The following RTF2 variants were observed in gnomAD, a reference collection of about 807,000 sequenced individuals.
The protein encoded by RTF2 is UPF0549 protein C20orf43.
RTF2 carries 18 observed loss-of-function variants against 38.0 expected under a neutral mutation model. The ratio of observed to expected loss-of-function variants is 0.47; its 90% CI spans 0.33 to 0.70. The LOEUF (loss-of-function observed/expected upper bound fraction) is 0.70. Among genes scored for constraint, RTF2 ranks in the 30% least tolerant of loss-of-function variants. RTF2 has a pLI of 0.02. For missense variants in RTF2, 311 were observed against 379.6 expected, an observed-to-expected ratio of 0.82 and a Z score of 1.50; for synonymous variants, 126 against 137.1, an observed-to-expected ratio of 0.92 and a Z score of 0.57.
intron 3 of RTF2, among the ~76,000 whole-genome samples, chr20:56,476,740 C>T (rs1372555684): frequency 6.6e-6 from 1 of 152,106 alleles, no homozygotes; most frequent in African/African-American, 2.4e-5. Flanking sequence ...CTCAGGTGAT[C>T]CGCCTGCCTC....
At chr20:56,501,096 A>G (rs545101135) in intron 5 of RTF2, among the ~76,000 whole-genome samples, 6 of 152,300 alleles carry the variant, frequency 3.9e-5, no homozygotes, top group African/African-American at 1.4e-4. Context: ...CAGGCCCTCT[A>G]TTGTAAATGT....
At chr20:56,491,775 C>A in intron 5 of RTF2, 1 of 1,550,626 alleles carries the variant, frequency 6.4e-7, no homozygotes, top group Non-Finnish European at 8.7e-7. Flanking sequence ...ATGTCTTCGA[C>A]GTAGCGGCCT....
intron 5 of RTF2, among the ~76,000 whole-genome samples, chr20:56,499,194 CTTTTTTTTT>C (rs774875921): frequency 2.3e-5 from 3 of 133,056 alleles, no homozygotes; most frequent in Admixed American, 1.5e-4. Flanking sequence ...TAATACTTAT[CTTTTTTTTT>C]TTTTTTTTTT....
chr20:56,514,802 C>G (rs1984914446), intron 6 of RTF2, among the ~76,000 whole-genome samples: 1 of 152,132 alleles, frequency 6.6e-6, no homozygotes, highest in African/African-American at 2.4e-5. Context: ...GAACGGTGCC[C>G]AAACTCTGAA....
intron 5 of RTF2, chr20:56,496,948 T>TG: frequency 1.3e-6 from 2 of 1,551,586 alleles, no homozygotes; most frequent in Non-Finnish European, 1.7e-6. Context: ...TTGCTTCTGA[T>TG]GTAGTGTATG....
intron 5 of RTF2, chr20:56,496,854 A>G (rs745810382): frequency 1.7e-5 from 26 of 1,551,184 alleles, no homozygotes; most frequent in Non-Finnish European, 2.2e-5. Flanking sequence ...TCCTTTAGGA[A>G]CGAATTCGAG....
At position 56,469,787 on chromosome 20, in the gene RTF2, TCTG is replaced by T. The variant is rs199631511; in HGVS notation, c.69+1023_69+1025del. ...CTTGCCTATGTTTCTGACCTCATCT[TCTG>T]CCCCTCTCCACCTCTTTCATACTGT... On this transcript the variant is annotated intron_variant, in intron 1 of 8. Coordinates refer to ENST00000357348, the MANE Select transcript of RTF2 (RefSeq NM_016407.5). 5.5e-5 allele frequency among the ~76,000 whole-genome samples: 3 copies of T among 54,896 alleles called. No homozygotes were observed. The Admixed American group carries it at 7.1e-4, about 13-fold the overall frequency. 36.0% of individuals were successfully genotyped at this position (54,896 alleles called of 152,430 possible).
intron 5 of RTF2, among the ~76,000 whole-genome samples, chr20:56,500,021 A>C (rs2146351872): frequency 6.6e-6 from 1 of 151,194 alleles, no homozygotes; most frequent in South Asian, 2.1e-4. Context: ...TTTAGGTGTG[A>C]ACCACTGCGC....
chr20:56,519,081 G>A lies in RTF2; in HGVS notation c.*816G>A. 6.6e-6 allele frequency: 1 copy of A among 152,210 alleles called. No homozygotes were observed. The highest frequency in any genetic ancestry group is 1.5e-5 in the Non-Finnish European group (1 of 68,052). 9.4% of individuals were successfully genotyped at this position (152,210 alleles called of 1,614,324 possible). ...CCTATAAGTTGTGTTGACGTCAATA[G>A]CTAGTGAAACTTCTCATGAGACTCC... On this transcript the variant is annotated 3_prime_UTR_variant, in exon 9 of 9. Transcript: ENST00000357348.
intron 5 of RTF2, among the ~76,000 whole-genome samples, chr20:56,505,283 T>C (rs1379295674): frequency 6.6e-6 from 1 of 151,960 alleles, no homozygotes; most frequent in African/African-American, 2.4e-5. Context: ...GGCTTGGAGT[T>C]TGAGACCAGC....
intron 1 of RTF2, chr20:56,472,333 A>T: frequency 5.2e-6 from 8 of 1,535,794 alleles, no homozygotes; most frequent in Non-Finnish European, 7.1e-6. Context: ...CAGATTTGGC[A>T]TTTGAAGAAT....
At chr20:56,480,002 C>T (rs1982449325) in intron 4 of RTF2, among the ~76,000 whole-genome samples, 1 of 152,050 alleles carries the variant, frequency 6.6e-6, no homozygotes, top group African/African-American at 2.4e-5. Flanking sequence ...AACATTGGCC[C>T]AACTGAAAGT....
rs960688583 is a variant in RTF2, at chr20:56,518,615, A to G, written c.*350A>G. The G allele has an allele frequency of 1.6e-5, 3 of 185,708 alleles. No homozygotes were observed. The highest frequency in any genetic ancestry group is 4.7e-5 in the African/African-American group (2 of 42,862). 11.5% of individuals were successfully genotyped at this position (185,708 alleles called of 1,614,324 possible). On this transcript the variant is annotated 3_prime_UTR_variant, in exon 9 of 9. Coordinates refer to ENST00000357348, the MANE Select transcript of RTF2 (RefSeq NM_016407.5). ...CAGAGTTGGCACATATTAATTAACT[A>G]AAATTCTAATGATCTTGCTACCAGC...
chr20:56,487,190 G>A (rs949047870), intron 5 of RTF2, among the ~76,000 whole-genome samples: 5 of 152,176 alleles, frequency 3.3e-5, no homozygotes, highest in South Asian at 2.1e-4. Flanking sequence ...ATGATGACAC[G>A]TATGCAGTAA....
At chr20:56,480,898 C>G (rs916465103) in intron 4 of RTF2, among the ~76,000 whole-genome samples, 10 of 152,180 alleles carry the variant, frequency 6.6e-5, no homozygotes, top group African/African-American at 2.4e-4. Context: ...TCACTGAGCA[C>G]AGATCACCGT....
intron 5 of RTF2, among the ~76,000 whole-genome samples, chr20:56,509,905 T>G (rs1033753576): frequency 6.6e-6 from 1 of 152,014 alleles, no homozygotes. Flanking sequence ...GATGAAACTT[T>G]ATTTGGCAAT....
At chr20:56,472,873 C>T (rs6024900) in intron 1 of RTF2, among the ~76,000 whole-genome samples, 54,024 of 152,056 alleles carry the variant, frequency 0.36, 9,944 homozygotes, top group East Asian at 0.64. Flanking sequence ...GGCACAGTTG[C>T]TCATGCTTTC....
chr20:56,474,410 G>A (rs894218688), intron 2 of RTF2, among the ~76,000 whole-genome samples: 1 of 152,214 alleles, frequency 6.6e-6, no homozygotes, highest in African/African-American at 2.4e-5. Context: ...GAATCCGGGA[G>A]GCGGAGGTTG....
chr20:56,495,362 C>A (rs939473199), intron 5 of RTF2: 2 of 1,228,794 alleles, frequency 1.6e-6, no homozygotes. Flanking sequence ...AGTACAAGTT[C>A]TTCTGTGCTA....
Sources: allele counts gnomAD v4.1 joint callset (sites outside exome capture counted in the v4.1 genomes callset), GRCh38; gene constraint gnomAD v4.1.1; transcripts MANE v1.5; gene names NCBI Gene and HGNC (gene_info 2026-07-23, HGNC 2026-07-21).